The following ATAD3B variants were observed in gnomAD, a reference collection of about 807,000 sequenced individuals.
ATAD3B encodes ATPase family AAA domain containing 3B.
ATAD3B carries 59 observed loss-of-function variants against 70.2 expected under a neutral mutation model. That is an observed-to-expected ratio of 0.84 (90% confidence interval 0.68 to 1.04). The LOEUF (loss-of-function observed/expected upper bound fraction) is 1.04, where lower values mean the gene tolerates loss of function less well. ATAD3B is among the 50% of genes least tolerant of loss of function. ATAD3B has a pLI of 0.00. For missense variants in ATAD3B, 961 were observed against 913.4 expected, an observed-to-expected ratio of 1.05 and a Z score of -0.67; for synonymous variants, 423 against 388.6, an observed-to-expected ratio of 1.09 and a Z score of -1.04.
At chr1:1,487,671 C>A (rs1464959349) in intron 11 of ATAD3B, among the ~76,000 whole-genome samples, 192 bp from the exon 12 acceptor site, 1 of 151,886 alleles carries the variant, frequency 6.6e-6, no homozygotes, top group African/African-American at 2.4e-5. Flanking sequence ...CCTTCTGAGG[C>A]TGAGACGTGG....
downstream of ATAD3B, among the ~76,000 whole-genome samples, chr1:1,498,317 A>T (rs925858930): frequency 2.6e-5 from 4 of 151,600 alleles, no homozygotes; most frequent in African/African-American, 9.7e-5. Flanking sequence ...TATAAAATAA[A>T]AATTAGCGGT....
the ATAD3B span, chr1:1,509,213 G>GT: frequency 6.2e-7 from 1 of 1,612,532 alleles, no homozygotes; most frequent in African/African-American, 1.4e-5. Flanking sequence ...AGGCCACGGC[G>GT]TATGCCTCCG....
downstream of ATAD3B, among the ~76,000 whole-genome samples, chr1:1,499,027 A>G (rs1184491924): frequency 1.3e-5 from 2 of 148,740 alleles, no homozygotes; most frequent in Admixed American, 1.3e-4. Context: ...GCTGGAGTGC[A>G]GTGGCGCGAT....
chr1:1,473,299 C>T (rs1449038328), intron 1 of ATAD3B, among the ~76,000 whole-genome samples: 1 of 151,284 alleles, frequency 6.6e-6, no homozygotes, highest in Non-Finnish European at 1.5e-5. Context: ...GCCACCACGC[C>T]CGGCTAATTT....
chr1:1,486,174 G>C lies in ATAD3B; in HGVS notation c.1028G>C (p.Gly343Ala). The C allele has an allele frequency of 1.2e-6, 2 of 1,613,288 alleles. No individual in the cohort carries two copies. The highest frequency in any genetic ancestry group is 2.2e-5 in the East Asian group (1 of 44,864). Reference sequence around the variant, plus strand: ...ACCAGGAACACCAAGAAGAACCGGGGCCTGTACAGGCACATCCTGCTGTAT... The same window carrying C: ...ACCAGGAACACCAAGAAGAACCGGGCCCTGTACAGGCACATCCTGCTGTAT... ...IATRNTKKNR[G>A]LYRHILLYGP... Residue 343 changes from glycine to alanine, a missense_variant, in exon 10 of 16, where the codon GGC becomes GCC. By Grantham distance (60) the Gly-to-Ala change is moderately conservative. Around this residue, in one of 4 missense-constraint regions of ATAD3B, gnomAD observed 349 missense variants for 307.5 expected, o/e 1.14. Coordinates refer to ENST00000673477, the MANE Select transcript of ATAD3B (RefSeq NM_031921.6).
chr1:1,499,945 AGTC>A (rs1263372956), downstream of ATAD3B, among the ~76,000 whole-genome samples: 1 of 130,096 alleles, frequency 7.7e-6, no homozygotes, highest in Non-Finnish European at 1.6e-5. Flanking sequence ...CCCAGGCTGG[AGTC>A]GTCCAGTGGC....
Position 1,495,530 on chromosome 1 carries a change from A to T in ATAD3B, c.1660A>T (p.Met554Leu), listed in dbSNP as rs774387106. Residue 554 changes from methionine to leucine, a missense_variant, in exon 16 of 16, where the codon ATG becomes TTG. By Grantham distance (15) the Met-to-Leu change is conservative (BLOSUM62 2). This residue lies in a region of ATAD3B where 417 missense variants were observed against 335.0 expected (regional missense o/e 1.24). Transcript: ENST00000673477. ...SKDGVLTEAM[M>L]DACVQDAVQQ... ...GGACGGGGTCCTCACTGAGGCCATG[A>T]TGGACGCCTGTGTGCAAGATGCTGT... 5 of 1,612,382 alleles carry T rather than the reference A, an allele frequency of 3.1e-6. No individual in the cohort carries two copies. Among genetic ancestry groups the T allele is most frequent in the Non-Finnish European group, 4.2e-6 (5 of 1,178,960 alleles).
At position 1,490,510 on chromosome 1, in the gene ATAD3B, C is replaced by T. The variant is rs545207035; in HGVS notation, c.1506-53C>T. On this transcript the variant is annotated intron_variant, in intron 14 of 15. Transcript: ENST00000673477. The stretch of plus-strand genomic sequence containing the variant: ...GCTGCCTGTCTTCCGGCCTCCACCT[C>T]ATGGTGTGGGGTCCGCGGCCTTGGC... The T allele has an allele frequency of 1.9e-6, 3 of 1,611,172 alleles. No homozygotes were observed. The African/African-American group carries it at 4.0e-5, about 21-fold the overall frequency.
chr1:1,474,349 C>T (rs1639486800), intron 1 of ATAD3B, among the ~76,000 whole-genome samples: 1 of 151,044 alleles, frequency 6.6e-6, no homozygotes, highest in Admixed American at 6.6e-5. Flanking sequence ...CGCCGCCACG[C>T]CCGGCTAATT....
At chr1:1,472,181 G>C (rs1341243783) in intron 1 of ATAD3B, 92 bp downstream of exon 1, 36 of 1,373,808 alleles carry the variant, frequency 2.6e-5, no homozygotes, top group Non-Finnish European at 3.2e-5. Flanking sequence ...CGCTGCTGTC[G>C]GCAGCCACTT....
At chr1:1,505,436 T>C in the ATAD3B span, among the ~76,000 whole-genome samples, 1 of 152,240 alleles carries the variant, frequency 6.6e-6, no homozygotes, top group African/African-American at 2.4e-5. Context: ...GGGAGACGGT[T>C]AGGCCTTCGG....
downstream of ATAD3B, among the ~76,000 whole-genome samples, chr1:1,502,405 G>A (rs535368363): frequency 8.7e-4 from 131 of 150,224 alleles, 2 homozygotes; most frequent in South Asian, 0.021. Flanking sequence ...TAGTAGGGAC[G>A]GGGTTTCACC....
intron 4 of ATAD3B, among the ~76,000 whole-genome samples, chr1:1,479,466 A>T (rs1485162253): frequency 7.2e-6 from 1 of 139,778 alleles, no homozygotes; most frequent in Non-Finnish European, 1.5e-5. Flanking sequence ...GGGCCCACAC[A>T]CACACACCCC....
At chr1:1,489,315 G>A (rs144622790) in intron 13 of ATAD3B, 41 bp downstream of exon 13, 20,198 of 1,612,240 alleles carry the variant, frequency 0.013, 458 homozygotes, top group Admixed American at 0.06. Context: ...GGGCAGGGCT[G>A]TGCAGCCGTC....
At chr1:1,473,588 C>T (rs973559109) in intron 1 of ATAD3B, among the ~76,000 whole-genome samples, 2 of 151,346 alleles carry the variant, frequency 1.3e-5, no homozygotes, top group Non-Finnish European at 2.9e-5. Flanking sequence ...CCGCAACGCC[C>T]TGGTTCAAAG....
At chr1:1,483,986 A>G (rs1276393015) in intron 7 of ATAD3B, 1 of 152,048 alleles carries the variant, frequency 6.6e-6, no homozygotes, top group Non-Finnish European at 1.5e-5. Flanking sequence ...CCGGGCACCT[A>G]CTGTGTGCTG....
At chr1:1,493,391 G>A (rs549904721) in intron 15 of ATAD3B, among the ~76,000 whole-genome samples, 6 of 151,864 alleles carry the variant, frequency 4.0e-5, no homozygotes, top group African/African-American at 1.5e-4. Context: ...GGCCTTCTTT[G>A]TGTTTAGGGC....
downstream of ATAD3B, among the ~76,000 whole-genome samples, chr1:1,499,586 CTTTTTTTTTTTTT>C (rs71578322): frequency 2.6e-3 from 173 of 65,784 alleles, no homozygotes; most frequent in Admixed American, 7.9e-3. Flanking sequence ...CCAAACAGCT[CTTTTTTTTTTTTT>C]TTTTTTTTTT....
the ATAD3B span, chr1:1,509,324 G>T: frequency 1.2e-6 from 2 of 1,612,014 alleles, no homozygotes; most frequent in Non-Finnish European, 1.7e-6. Flanking sequence ...GGAGGCCTGG[G>T]CCCGAGGACG....
Sources: allele counts gnomAD v4.1 joint callset (sites outside exome capture counted in the v4.1 genomes callset), GRCh38; gene constraint gnomAD v4.1.1; regional missense constraint gnomAD v4.1.1; transcripts MANE v1.5; gene names NCBI Gene and HGNC (gene_info 2026-07-23, HGNC 2026-07-21).